Variants in ADI1 observed in about 807,000 individuals in gnomAD.
ADI1 encodes the protein acireductone dioxygenase.
Under a neutral mutation model 18.7 loss-of-function variants are expected in ADI1, and 21 were observed. That is an observed-to-expected ratio of 1.13 (90% CI 0.80 to 1.62). The LOEUF (loss-of-function observed/expected upper bound fraction) is 1.62, where lower values mean the gene tolerates loss of function less well. ADI1 is among the 40% of genes most tolerant of loss of function. ADI1 has a pLI of 0.00. For synonymous variants in ADI1, 90 were observed against 100.1 expected (o/e 0.90, Z 0.60); for missense variants, 245 against 254.9 (o/e 0.96, Z 0.26).
At position 3,498,845 on chromosome 2, in the gene ADI1, G is replaced by C; in HGVS notation, c.*118C>G. 7.0e-7 allele frequency: 1 copy of C among 1,427,596 alleles called. No individual in the cohort carries two copies. Among genetic ancestry groups the C allele is most frequent in the Non-Finnish European group, 9.4e-7 (1 of 1,061,452 alleles). 88.4% of individuals were successfully genotyped at this position (1,427,596 alleles called of 1,614,324 possible). A position where few individuals can be genotyped will look rare whatever the true frequency, so the allele number is the denominator to read the frequency against. ...ATTCTGATCAAATAATCTTACAAAG[G>C]AAAGATAATCTAGCCTCAAGGCTAT... On this transcript the variant is annotated 3_prime_UTR_variant, in exon 4 of 4. Coordinates refer to ENST00000327435, the MANE Select transcript of ADI1 (RefSeq NM_018269.4).
At chr2:3,514,838 C>T (rs1199074116) in intron 1 of ADI1, 2 of 1,548,894 alleles carry the variant, frequency 1.3e-6, no homozygotes, top group Non-Finnish European at 1.7e-6. Context: ...TGCAGGAAGT[C>T]AGGGACCCCG....
At chr2:3,500,459 G>A (rs1666970128) in intron 3 of ADI1, 1 of 404,326 alleles carries the variant, frequency 2.5e-6, no homozygotes, top group East Asian at 4.3e-5. Flanking sequence ...GGGCTGGGGT[G>A]ACAACCCTAG....
At chr2:3,503,405 A>G (rs528910670) in intron 2 of ADI1, among the ~76,000 whole-genome samples, 1 of 150,876 alleles carries the variant, frequency 6.6e-6, no homozygotes, top group South Asian at 2.2e-4. Flanking sequence ...ACATTCACAC[A>G]CATGCACACG....
At chr2:3,507,578 A>G (rs1667201122) in intron 2 of ADI1, among the ~76,000 whole-genome samples, 1 of 152,294 alleles carries the variant, frequency 6.6e-6, no homozygotes, top group South Asian at 2.1e-4. Flanking sequence ...AAGAAGAAAT[A>G]AAGACTTTCT....
chr2:3,516,291 G>C (rs530473360), intron 1 of ADI1: 1 of 154,108 alleles, frequency 6.5e-6, no homozygotes, highest in South Asian at 2.1e-4. Context: ...AGACCAGCCT[G>C]TCCAACATGG....
chr2:3,505,845 G>A (rs1667163993), intron 2 of ADI1, among the ~76,000 whole-genome samples: 1 of 152,118 alleles, frequency 6.6e-6, no homozygotes, highest in Non-Finnish European at 1.5e-5. Flanking sequence ...CTCATGAATG[G>A]GATTAGTGTC....
At chr2:3,506,347 G>T (rs1297052948) in intron 2 of ADI1, among the ~76,000 whole-genome samples, 1 of 152,204 alleles carries the variant, frequency 6.6e-6, no homozygotes, top group Non-Finnish European at 1.5e-5. Context: ...AGCAATCATG[G>T]CAAGTTTGCA....
At chr2:3,500,591 A>G (rs1056599825) in intron 3 of ADI1, 9 of 635,234 alleles carry the variant, frequency 1.4e-5, no homozygotes, top group Non-Finnish European at 2.5e-5. Flanking sequence ...ACACCTGTCC[A>G]CCAGGATCGC....
At chr2:3,513,827 T>G in intron 2 of ADI1, 30 bp downstream of exon 2, 1 of 1,575,346 alleles carries the variant, frequency 6.3e-7, no homozygotes, top group Non-Finnish European at 8.6e-7. Context: ...TAATGATACT[T>G]CTTTTCCAGG....
At chr2:3,516,084 G>T in intron 1 of ADI1, 1 of 973,190 alleles carries the variant, frequency 1.0e-6, no homozygotes, top group Non-Finnish European at 1.2e-6. Context: ...TTAAATATAC[G>T]AATGTTGAAA....
In ADI1 at chr2:3,505,438, T is replaced by A. The variant is rs561819093; in HGVS notation, c.241-4445A>T. On this transcript the variant is annotated intron_variant, in intron 2 of 3. Transcript: ENST00000327435. ...CTAAAAAAAACTCCAGACCCAGTCATCAGGGGCCTCACACTTTTGTAAATT... is the reference window on the plus strand; with the variant it reads ...CTAAAAAAAACTCCAGACCCAGTCAACAGGGGCCTCACACTTTTGTAAATT... 2.8e-4 allele frequency among the ~76,000 whole-genome samples: 43 copies of A among 152,304 alleles called. 1 individual carries two copies. The highest frequency in any genetic ancestry group is 8.2e-4 in the African/African-American group (34 of 41,560).
intron 1 of ADI1, among the ~76,000 whole-genome samples, chr2:3,518,424 C>T (rs1320435719): frequency 6.6e-6 from 1 of 152,226 alleles, no homozygotes; most frequent in Non-Finnish European, 1.5e-5. Flanking sequence ...CTCTCTTTTG[C>T]AGTAAACCTT....
chr2:3,502,288 C>T (rs1294592046), intron 2 of ADI1, among the ~76,000 whole-genome samples: 1 of 152,182 alleles, frequency 6.6e-6, no homozygotes, highest in African/African-American at 2.4e-5. Flanking sequence ...GCCTTGGCCT[C>T]CCAAAGCACT....
At chr2:3,506,565 G>A (rs188478616) in intron 2 of ADI1, among the ~76,000 whole-genome samples, 2 of 152,310 alleles carry the variant, frequency 1.3e-5, no homozygotes, top group South Asian at 4.1e-4. Flanking sequence ...CAAATGGAGA[G>A]AAATTCCAAG....
chr2:3,506,744 A>G (rs1211259633), intron 2 of ADI1, among the ~76,000 whole-genome samples: 2 of 152,228 alleles, frequency 1.3e-5, no homozygotes, highest in Non-Finnish European at 2.9e-5. Flanking sequence ...CCAACACAAT[A>G]TTGAAGAAGA....
At chr2:3,505,404 G>A (rs1667155835) in intron 2 of ADI1, among the ~76,000 whole-genome samples, 1 of 152,142 alleles carries the variant, frequency 6.6e-6, no homozygotes, top group Admixed American at 6.5e-5. Context: ...GTGTAGACAA[G>A]TCTGAGAGCT....
intron 2 of ADI1, among the ~76,000 whole-genome samples, chr2:3,503,494 T>C (rs13396868): frequency 0.056 from 2,770 of 49,714 alleles, 1,171 homozygotes; most frequent in African/African-American, 0.44. Context: ...CATGCACACG[T>C]ACACACACAC....
intron 1 of ADI1, 150 bp downstream of exon 1, chr2:3,519,218 G>A: frequency 8.4e-7 from 1 of 1,186,186 alleles, no homozygotes; most frequent in Non-Finnish European, 1.1e-6. Context: ...GGCACCGGGA[G>A]CCGCCACGAA....
chr2:3,519,162 G>A (rs534092177), intron 1 of ADI1: 77 of 643,468 alleles, frequency 1.2e-4, no homozygotes, highest in African/African-American at 1.0e-3. Flanking sequence ...CGCGCAGGAG[G>A]CCCTGACCAC....
Sources: gnomAD v4.1 joint callset for allele counts (sites outside exome capture counted in the v4.1 genomes callset) on GRCh38, gnomAD v4.1.1 for gene constraint, MANE v1.5 for transcripts, NCBI Gene and HGNC (gene_info 2026-07-23, HGNC 2026-07-21) for gene names.